The following RBMS3 variants were observed in gnomAD, a reference collection of about 807,000 sequenced individuals.
RBMS3 encodes RNA-binding motif, single-stranded-interacting protein 3.
Under a neutral mutation model 66.8 loss-of-function variants are expected in RBMS3, and 27 were observed. That is an observed-to-expected ratio of 0.40 (90% confidence interval 0.30 to 0.56). The LOEUF (loss-of-function observed/expected upper bound fraction) is 0.56, where lower values mean the gene tolerates loss of function less well. RBMS3 is among the 20% of genes least tolerant of loss of function. The pLI, the probability that RBMS3 is intolerant of heterozygous loss-of-function variation, is 0.40. For missense variants in RBMS3, 513 were observed against 549.5 expected, an observed-to-expected ratio of 0.93 and a Z score of 0.66; for synonymous variants, 188 against 183.0, an observed-to-expected ratio of 1.03 and a Z score of -0.22.
intron 6 of RBMS3, among the ~76,000 whole-genome samples, chr3:29,787,696 G>T (rs2056866256): frequency 6.6e-6 from 1 of 152,050 alleles, no homozygotes; most frequent in Non-Finnish European, 1.5e-5. Flanking sequence ...AAAAAGGGTT[G>T]GTGGTGGCAA....
intron 3 of RBMS3, among the ~76,000 whole-genome samples, chr3:29,554,199 A>G (rs1437684785): frequency 6.6e-6 from 1 of 152,218 alleles, no homozygotes; most frequent in Non-Finnish European, 1.5e-5. Flanking sequence ...TTAACATTAC[A>G]TCCTAAATAT....
intron 4 of RBMS3, among the ~76,000 whole-genome samples, chr3:29,709,444 GAA>G (rs1194423824): frequency 3.9e-5 from 6 of 152,188 alleles, no homozygotes; most frequent in African/African-American, 1.4e-4. Flanking sequence ...TGGAGAAAAT[GAA>G]AAGAGTATAT....
chr3:29,992,936 A>T (rs1698980848), intron 14 of RBMS3, among the ~76,000 whole-genome samples: 1 of 152,188 alleles, frequency 6.6e-6, no homozygotes, highest in African/African-American at 2.4e-5. Flanking sequence ...GTCTACGCCT[A>T]CTCAAGAAGG....
At chr3:29,546,661 C>T (rs889417436) in intron 3 of RBMS3, among the ~76,000 whole-genome samples, 3 of 152,136 alleles carry the variant, frequency 2.0e-5, no homozygotes, top group Admixed American at 2.0e-4. Context: ...GCTAGTAGCA[C>T]AGTGGGGATG....
chr3:29,357,059 T>G (rs533713954), intron 1 of RBMS3, among the ~76,000 whole-genome samples: 4 of 152,186 alleles, frequency 2.6e-5, no homozygotes, highest in Admixed American at 2.6e-4. Context: ...ATATATATTT[T>G]TTATTATCCT....
At chr3:29,520,069 T>G (rs1026852642) in intron 3 of RBMS3, among the ~76,000 whole-genome samples, 1 of 152,214 alleles carries the variant, frequency 6.6e-6, no homozygotes, top group Non-Finnish European at 1.5e-5. Context: ...TATTTTTATT[T>G]GCTAAATCTG....
At chr3:29,455,144 T>C (rs1198157127) in intron 2 of RBMS3, among the ~76,000 whole-genome samples, 2 of 152,198 alleles carry the variant, frequency 1.3e-5, no homozygotes, top group Non-Finnish European at 2.9e-5. Flanking sequence ...TGCAGGATCG[T>C]TCGCCACAAC....
chr3:29,782,684 T>C (rs2056679775), intron 6 of RBMS3, among the ~76,000 whole-genome samples: 1 of 151,914 alleles, frequency 6.6e-6, no homozygotes, highest in African/African-American at 2.4e-5. Flanking sequence ...CAAGACAAAA[T>C]CTCTGAATTG....
In RBMS3 at chr3:29,747,314, G is replaced by C. The variant is rs1275538137; in HGVS notation, c.557+7437G>C. On this transcript the variant is annotated intron_variant, in intron 5 of 14. Transcript: ENST00000383767. ...TCTGCACCTCTTACTTGTGTTCTTG[G>C]GGCAGTTATATAAACTCTCTGAGCC... is the stretch of plus-strand genomic sequence containing the variant. 2.6e-5 allele frequency among the ~76,000 whole-genome samples: 4 copies of C among 151,740 alleles called. No individual in the cohort carries two copies. In the South Asian group the frequency reaches 8.3e-4, roughly 32 times the overall value.
intron 3 of RBMS3, among the ~76,000 whole-genome samples, chr3:29,545,014 T>C (rs972822132): frequency 1.3e-5 from 2 of 152,140 alleles, no homozygotes; most frequent in Non-Finnish European, 2.9e-5. Flanking sequence ...TAAGGGAATA[T>C]TTGGACAAAT....
At chr3:29,672,868 C>G (rs911290027) in intron 4 of RBMS3, among the ~76,000 whole-genome samples, 1 of 152,162 alleles carries the variant, frequency 6.6e-6, no homozygotes, top group Non-Finnish European at 1.5e-5. Flanking sequence ...TTAGACAGAT[C>G]AACAAGACAG....
At chr3:29,482,697 C>CTTTTTTTTTT (rs1216159878) in intron 2 of RBMS3, among the ~76,000 whole-genome samples, 8 of 92,924 alleles carry the variant, frequency 8.6e-5, no homozygotes, top group African/African-American at 1.8e-4. Flanking sequence ...TTCTTTCTTT[C>CTTTTTTTTTT]TTTCTTTTTT....
At chr3:29,693,340 G>T (rs562260231) in intron 4 of RBMS3, among the ~76,000 whole-genome samples, 1 of 152,066 alleles carries the variant, frequency 6.6e-6, no homozygotes, top group African/African-American at 2.4e-5. Flanking sequence ...ATATTTTAAG[G>T]TGTTTCATGC....
At chr3:29,377,582 C>A (rs530723721) in intron 1 of RBMS3, among the ~76,000 whole-genome samples, 360 of 152,286 alleles carry the variant, frequency 2.4e-3, no homozygotes, top group Middle Eastern at 6.8e-3. Context: ...CCCCTCTGAG[C>A]AGTTTATCTC....
In RBMS3 at chr3:29,673,383, C is replaced by G. The variant is rs369031458; in HGVS notation, c.400-66337C>G. On this transcript the variant is annotated intron_variant, in intron 4 of 14. Coordinates refer to ENST00000383767, the MANE Select transcript of RBMS3 (RefSeq NM_001003793.3). ...ACATTCAAAAGCTAGCAGAAGGCAA[C>G]AAATAACTAAGATCAGAGCAGAACT... 1.5e-4 allele frequency among the ~76,000 whole-genome samples: 22 copies of G among 149,506 alleles called. No homozygotes were observed. The South Asian group carries it at 4.2e-3, about 29-fold the overall frequency.
Position 29,746,260 on chromosome 3 carries a change from C to A in RBMS3, c.557+6383C>A, listed in dbSNP as rs1167088857. Among the ~76,000 whole-genome samples the A allele has an allele frequency of 2.0e-5, 3 of 152,246 alleles. No individual in the cohort carries two copies. In the South Asian group the frequency reaches 6.2e-4, roughly 32 times the overall value. ...TGTTTTGACTGTATCTGTCTTGAAT[C>A]CATCACTGCAGTAACAATTTCTCCC... is the stretch of plus-strand genomic sequence containing the variant. On this transcript the variant is annotated intron_variant, in intron 5 of 14. Transcript: ENST00000383767.
intron 6 of RBMS3, among the ~76,000 whole-genome samples, chr3:29,859,864 AT>A (rs1161543598): frequency 1.3e-5 from 2 of 152,176 alleles, no homozygotes; most frequent in East Asian, 3.8e-4. Context: ...ACATACATAC[AT>A]ACACACATAT....
intron 4 of RBMS3, among the ~76,000 whole-genome samples, chr3:29,643,261 G>A (rs915682430): frequency 1.3e-5 from 2 of 151,912 alleles, no homozygotes; most frequent in African/African-American, 4.8e-5. Flanking sequence ...AGTCAGAATG[G>A]GAGTAATTCT....
At chr3:29,806,395 A>T (rs1377104618) in intron 6 of RBMS3, among the ~76,000 whole-genome samples, 1 of 151,956 alleles carries the variant, frequency 6.6e-6, no homozygotes, top group East Asian at 1.9e-4. Context: ...TGATCTGATA[A>T]TCTAAAAGTT....
Sources: gnomAD v4.1 joint callset for allele counts (sites outside exome capture counted in the v4.1 genomes callset) on GRCh38, gnomAD v4.1.1 for gene constraint, MANE v1.5 for transcripts, NCBI Gene and HGNC (gene_info 2026-07-23, HGNC 2026-07-21) for gene names.